HTT-AS: variants seen among roughly 807,000 people sequenced by gnomAD.
HTT-AS encodes HTT antisense RNA (head to head).
downstream of HTT-AS, among the ~76,000 whole-genome samples, chr4:3,047,031 G>A (rs1711599308): frequency 6.6e-6 from 1 of 152,192 alleles, no homozygotes. Context: ...GTTATACTAG[G>A]CCGGGCGCAG....
chr4:3,050,033 C>T (rs1472536295), intron 2 of HTT-AS, among the ~76,000 whole-genome samples: 1 of 151,334 alleles, frequency 6.6e-6, no homozygotes, highest in Non-Finnish European at 1.5e-5. Flanking sequence ...CCAACCTCTG[C>T]CTCCCACACA....
chr4:3,054,967 C>T (rs371528322), intron 2 of HTT-AS, among the ~76,000 whole-genome samples: 1 of 151,960 alleles, frequency 6.6e-6, no homozygotes, highest in Admixed American at 6.5e-5. Context: ...CCCGCCTCCA[C>T]CTCCCAAAGT....
At position 3,057,171 on chromosome 4, in the gene HTT-AS, C is replaced by A. The variant is rs144523671; in HGVS notation, n.1380+5263G>T. On this transcript the variant is annotated intron_variant and non_coding_transcript_variant, in intron 2 of 2. Transcript: ENST00000664062. ...GTCTCAGCCTCCCGAGTAGCTGGGA[C>A]TACAGGCGCCTGCCACCAAGCCCAG... Among the ~76,000 whole-genome samples, 470 of 152,190 alleles carry A rather than the reference C, an allele frequency of 3.1e-3. 1 individual carries two copies. Among genetic ancestry groups the A allele is most frequent in the African/African-American group, 0.011 (440 of 41,530 alleles).
At chr4:3,051,359 C>T (rs1192496639) in intron 2 of HTT-AS, among the ~76,000 whole-genome samples, 1 of 152,152 alleles carries the variant, frequency 6.6e-6, no homozygotes, top group Non-Finnish European at 1.5e-5. Context: ...GCCACCGCGC[C>T]TGGCCTTTTG....
chr4:3,061,899 G>A lies in HTT-AS; in HGVS notation n.1380+535C>T, dbSNP rs1035663968. Among the ~76,000 whole-genome samples the A allele has an allele frequency of 6.0e-5, 9 of 149,540 alleles. No homozygotes were observed. The South Asian group carries it at 8.5e-4, about 14-fold the overall frequency. ...CGGCAGGCTGAGGCAGGAGAATGGC[G>A]TGAACCGGGGAGGCGGAGCTTGCAG... On this transcript the variant is annotated intron_variant and non_coding_transcript_variant, in intron 2 of 2. Coordinates refer to ENST00000664062, the Ensembl canonical transcript of HTT-AS.
chr4:3,053,277 A>C (rs572977798), intron 2 of HTT-AS, among the ~76,000 whole-genome samples: 1 of 152,334 alleles, frequency 6.6e-6, no homozygotes, highest in Admixed American at 6.5e-5. Context: ...TCACGCCTAT[A>C]ATCCCAACAC....
intron 2 of HTT-AS, among the ~76,000 whole-genome samples, chr4:3,061,076 A>G (rs2110122621): frequency 6.6e-6 from 1 of 152,224 alleles, no homozygotes; most frequent in South Asian, 2.1e-4. Context: ...GTGTGTATCT[A>G]TGTTCTTGAT....
chr4:3,049,955 CTT>C (rs59444704), intron 2 of HTT-AS, among the ~76,000 whole-genome samples: 1 of 130,318 alleles, frequency 7.7e-6, no homozygotes, highest in African/African-American at 3.0e-5. Flanking sequence ...CACATATACA[CTT>C]TTTTTTTTTT....
chr4:3,061,838 T>C (rs1711931364), intron 2 of HTT-AS, among the ~76,000 whole-genome samples: 1 of 150,676 alleles, frequency 6.6e-6, no homozygotes, highest in South Asian at 2.1e-4. Context: ...AAAAACTAGC[T>C]GGGTGTGGTG....
intron 1 of HTT-AS, among the ~76,000 whole-genome samples, chr4:3,065,513 G>A (rs1712031312): frequency 1.3e-5 from 2 of 152,146 alleles, no homozygotes; most frequent in South Asian, 4.1e-4. Context: ...CACCACGCCA[G>A]CCCAACTACT....
intron 2 of HTT-AS, among the ~76,000 whole-genome samples, chr4:3,059,864 C>T (rs889076792): frequency 1.3e-5 from 2 of 151,892 alleles, no homozygotes; most frequent in South Asian, 2.1e-4. Flanking sequence ...TGAGCCACTG[C>T]GCCTGGCCTC....
chr4:3,070,839 CCTGA>C (rs778638183), intron 1 of HTT-AS, among the ~76,000 whole-genome samples: 4 of 152,166 alleles, frequency 2.6e-5, no homozygotes, highest in Non-Finnish European at 5.9e-5. Flanking sequence ...ATCACACATG[CCTGA>C]CTGTTTGCAT....
chr4:3,068,079 G>T (rs545533442), intron 1 of HTT-AS, among the ~76,000 whole-genome samples: 36 of 152,064 alleles, frequency 2.4e-4, no homozygotes, highest in Non-Finnish European at 4.9e-4. Context: ...GCCGAGGCGG[G>T]TGGATCACGA....
At chr4:3,056,590 C>A (rs759251008) in intron 2 of HTT-AS, among the ~76,000 whole-genome samples, 9 of 152,176 alleles carry the variant, frequency 5.9e-5, no homozygotes, top group African/African-American at 1.9e-4. Context: ...TGCTTTTACA[C>A]CTATATGACC....
chr4:3,070,347 G>A (rs1712144032), intron 1 of HTT-AS, among the ~76,000 whole-genome samples: 1 of 150,964 alleles, frequency 6.6e-6, no homozygotes, highest in African/African-American at 2.4e-5. Flanking sequence ...CTGGAGTGCA[G>A]TGGCTCGATC....
chr4:3,065,508 C>G (rs149344353), intron 1 of HTT-AS, among the ~76,000 whole-genome samples: 2 of 152,150 alleles, frequency 1.3e-5, no homozygotes, highest in Admixed American at 6.6e-5. Context: ...TGAGCCACCA[C>G]GCCAGCCCAA....
In HTT-AS at chr4:3,071,584, C is replaced by T. The variant is rs536384294; in HGVS notation, n.113+2842G>A. Among the ~76,000 whole-genome samples the T allele has an allele frequency of 6.6e-5, 10 of 152,256 alleles. 1 individual carries two copies. In the South Asian group the frequency reaches 1.5e-3, roughly 22 times the overall value. On this transcript the variant is annotated intron_variant and non_coding_transcript_variant, in intron 1 of 2. Coordinates refer to ENST00000664062, the Ensembl canonical transcript of HTT-AS. ...AAAAGGTCTCTAAAGAAGGTCAGAG[C>T]GGCTGCTAGGGTGCAACTCTATTAC...
intron 1 of HTT-AS, among the ~76,000 whole-genome samples, chr4:3,065,262 C>T (rs1316684861): frequency 2.0e-5 from 3 of 150,576 alleles, no homozygotes; most frequent in Non-Finnish European, 4.4e-5. Flanking sequence ...TTTTTTGAGA[C>T]GGAGTCTTGC....
chr4:3,062,627 T>C (rs914858074), exon 2 of HTT-AS, among the ~76,000 whole-genome samples: 2 of 151,974 alleles, frequency 1.3e-5, no homozygotes, highest in Admixed American at 1.3e-4. Context: ...TCAGCCCCCG[T>C]CCAAGGTCCT....
Sources: allele counts gnomAD v4.1 joint callset (sites outside exome capture counted in the v4.1 genomes callset), GRCh38; gene constraint gnomAD v4.1.1; transcripts MANE v1.5; gene names NCBI Gene and HGNC (gene_info 2026-07-23, HGNC 2026-07-21).